Variants in CENPP observed in about 807,000 individuals in gnomAD.
CENPP encodes the protein centromere protein P.
Under a neutral mutation model 35.6 loss-of-function variants are expected in CENPP, and 24 were observed. The ratio of observed to expected loss-of-function variants is 0.67; its 90% CI spans 0.49 to 0.95. CENPP has a LOEUF of 0.95. Ranked by LOEUF, CENPP falls within the 40% of genes least tolerant of loss-of-function variation. The pLI is 0.00. For synonymous variants in CENPP, 120 were observed against 125.5 expected (o/e 0.96, Z 0.29); for missense variants, 332 against 345.3 (o/e 0.96, Z 0.31).
At chr9:92,402,083 A>G (rs953423337) in intron 5 of CENPP, among the ~76,000 whole-genome samples, 1 of 152,194 alleles carries the variant, frequency 6.6e-6, no homozygotes, top group African/African-American at 2.4e-5. Flanking sequence ...CCCTGTAAAG[A>G]GAAGAAGCAG....
At chr9:92,394,430 T>C (rs1182530174) in intron 5 of CENPP, among the ~76,000 whole-genome samples, 2 of 151,064 alleles carry the variant, frequency 1.3e-5, no homozygotes, top group Non-Finnish European at 2.9e-5. Flanking sequence ...TTTTTGAATT[T>C]TTAGTATAGA....
chr9:92,394,557 G>T (rs1842816162), intron 5 of CENPP, among the ~76,000 whole-genome samples: 1 of 149,466 alleles, frequency 6.7e-6, no homozygotes, highest in Non-Finnish European at 1.5e-5. Context: ...GACCTATTTT[G>T]ATATATTTTA....
rs1414050784 is a variant in CENPP, at chr9:92,425,479, C to G, written c.564+45620C>G. On this transcript the variant is annotated intron_variant, in intron 5 of 7. Coordinates refer to ENST00000375587, the MANE Select transcript of CENPP (RefSeq NM_001012267.3). ...TTTAATGTTTAATTTTTACACTGTTCTCATATTCTAAACAGAGAGTTGACT... is the reference window on the plus strand; with the variant it reads ...TTTAATGTTTAATTTTTACACTGTTGTCATATTCTAAACAGAGAGTTGACT... Among the ~76,000 whole-genome samples the G allele has an allele frequency of 2.0e-5, 3 of 152,094 alleles. No individual in the cohort carries two copies. The East Asian group carries it at 5.8e-4, about 29-fold the overall frequency.
intron 4 of CENPP, among the ~76,000 whole-genome samples, chr9:92,362,714 A>G (rs920370579): frequency 2.0e-5 from 3 of 152,054 alleles, no homozygotes; most frequent in Admixed American, 2.0e-4. Context: ...GATTATTCCT[A>G]CCTTATCTAC....
intron 5 of CENPP, among the ~76,000 whole-genome samples, chr9:92,590,893 T>C (rs1850648151): frequency 6.6e-6 from 1 of 152,202 alleles, no homozygotes; most frequent in African/African-American, 2.4e-5. Flanking sequence ...TATTCAAACG[T>C]GATGCAGCTA....
At chr9:92,534,480 A>G (rs1849048153) in intron 5 of CENPP, among the ~76,000 whole-genome samples, 2 of 152,184 alleles carry the variant, frequency 1.3e-5, no homozygotes. Flanking sequence ...CAGCGTATAT[A>G]TACATTAATT....
intron 5 of CENPP, chr9:92,610,586 C>T (rs1168391544): frequency 6.6e-6 from 1 of 152,234 alleles, no homozygotes; most frequent in Non-Finnish European, 1.5e-5. Context: ...CTCCCAGAAC[C>T]GCAAGCCTAG....
At chr9:92,600,528 C>T (rs1264788956) in intron 5 of CENPP, 8 of 1,612,766 alleles carry the variant, frequency 5.0e-6, no homozygotes, top group Non-Finnish European at 6.8e-6. Context: ...GAGGGCTGGG[C>T]CACCCCACTG....
intron 5 of CENPP, among the ~76,000 whole-genome samples, chr9:92,443,812 A>G (rs1009594343): frequency 6.6e-6 from 1 of 152,062 alleles, no homozygotes; most frequent in African/African-American, 2.4e-5. Context: ...GGTGCACACC[A>G]CCACGCCCAG....
intron 5 of CENPP, among the ~76,000 whole-genome samples, chr9:92,506,258 G>T (rs1036462563): frequency 5.9e-5 from 9 of 152,170 alleles, no homozygotes; most frequent in African/African-American, 1.9e-4. Context: ...CCAGAACAGT[G>T]AATTCCCATC....
At chr9:92,343,914 G>A (rs898124481) in intron 3 of CENPP, among the ~76,000 whole-genome samples, 12 of 136,832 alleles carry the variant, frequency 8.8e-5, no homozygotes, top group Non-Finnish European at 3.1e-5. Context: ...AAAGAACTGT[G>A]ATTGAACGAC....
intron 5 of CENPP, among the ~76,000 whole-genome samples, chr9:92,537,899 A>G (rs781556626): frequency 7.2e-5 from 11 of 152,224 alleles, no homozygotes; most frequent in African/African-American, 2.4e-4. Flanking sequence ...CCAATGCTCA[A>G]TCAAGCTTGA....
chr9:92,619,711 C>T lies in CENPP; in HGVS notation c.*6562C>T, dbSNP rs914992608. 54 of 723,218 alleles carry T rather than the reference C, an allele frequency of 7.5e-5. No homozygotes were observed. The highest frequency in any genetic ancestry group is 2.9e-4 in the Middle Eastern group (1 of 3,454). The allele number at this position is 723,218 out of a possible 1,614,324, so 44.8% of individuals were successfully genotyped here. The stretch of plus-strand genomic sequence containing the variant: ...TTAGGAGCGAGGGCCACGGTGAGCA[C>T]GGGCGTCAGGAGGTCGCCCTGTGAG... On this transcript the variant is annotated 3_prime_UTR_variant, in exon 8 of 8. Transcript: ENST00000375587.
chr9:92,610,392 A>AC (rs74313979), intron 5 of CENPP, among the ~76,000 whole-genome samples: 27,076 of 152,176 alleles, frequency 0.18, 3,472 homozygotes, highest in East Asian at 0.66. Flanking sequence ...GAACAGGGCC[A>AC]CCATTACTCT....
chr9:92,397,074 G>T (rs1292354004), intron 5 of CENPP, among the ~76,000 whole-genome samples: 5 of 151,856 alleles, frequency 3.3e-5, no homozygotes, highest in Non-Finnish European at 2.9e-5. Flanking sequence ...CTACTTGGGA[G>T]GCTGAGGCAG....
intron 5 of CENPP, among the ~76,000 whole-genome samples, chr9:92,602,327 T>G (rs1038365113): frequency 1.3e-5 from 2 of 152,224 alleles, no homozygotes; most frequent in Non-Finnish European, 2.9e-5. Flanking sequence ...AGCCACCTTT[T>G]GGGACCCTCA....
chr9:92,366,272 A>G (rs963128675), intron 4 of CENPP, among the ~76,000 whole-genome samples: 2 of 152,160 alleles, frequency 1.3e-5, no homozygotes, highest in African/African-American at 4.8e-5. Context: ...TATATCTGAG[A>G]AATGATGGAA....
chr9:92,609,377 CAA>C (rs1033897989), intron 5 of CENPP, among the ~76,000 whole-genome samples: 12 of 152,228 alleles, frequency 7.9e-5, no homozygotes, highest in Non-Finnish European at 1.8e-4. Context: ...TTCAATCCGG[CAA>C]GTCTCTGGAG....
chr9:92,327,800 A>G (rs933324469), intron 1 of CENPP, among the ~76,000 whole-genome samples: 8 of 152,354 alleles, frequency 5.3e-5, no homozygotes, highest in Admixed American at 3.3e-4. Context: ...GGCCAGTGCT[A>G]GTGAAAAAAA....
Sources: gnomAD v4.1 joint callset for allele counts (sites outside exome capture counted in the v4.1 genomes callset) on GRCh38, gnomAD v4.1.1 for gene constraint, MANE v1.5 for transcripts, NCBI Gene and HGNC (gene_info 2026-07-23, HGNC 2026-07-21) for gene names.